The following ADAM18 variants were observed in gnomAD, a reference collection of about 807,000 sequenced individuals.
The protein encoded by ADAM18 is disintegrin and metalloproteinase domain-containing protein 18.
A neutral mutation model predicts 94.4 loss-of-function variants in ADAM18; 117 were observed. The observed-to-expected ratio is 1.24, with a 90% CI of 1.07 to 1.45. ADAM18 has a LOEUF of 1.45. Among genes scored for constraint, ADAM18 ranks in the 40% most tolerant of loss-of-function variants. ADAM18 has a pLI of 0.00. For missense variants in ADAM18, 936 were observed against 880.0 expected, an observed-to-expected ratio of 1.06 and a Z score of -0.81; for synonymous variants, 327 against 291.6, an observed-to-expected ratio of 1.12 and a Z score of -1.24.
chr8:39,604,349 C>T (rs1405816362), intron 2 of ADAM18, among the ~76,000 whole-genome samples: 1 of 152,148 alleles, frequency 6.6e-6, no homozygotes, highest in African/African-American at 2.4e-5. Context: ...CTTATAATGT[C>T]TATTTTTATT....
intron 18 of ADAM18, among the ~76,000 whole-genome samples, chr8:39,708,987 G>A (rs1822318164): frequency 6.6e-6 from 1 of 152,224 alleles, no homozygotes; most frequent in South Asian, 2.1e-4. Context: ...GCTAACAACT[G>A]TGAACAGCTC....
rs747999507 is a variant in ADAM18, at chr8:39,610,664, T to A, written c.480T>A (p.Ile160=). The change falls in exon 6 of 20, where the codon ATT becomes ATA. Residue 160 remains isoleucine (I), a synonymous_variant. Coordinates refer to ENST00000265707, the MANE Select transcript of ADAM18 (RefSeq NM_014237.3). ...TTTTAGCAGTAAATTACAGTCATATTTGGCAGAAAGACCAGCCCTACAAAG... is the reference window on the plus strand; with the variant it reads ...TTTTAGCAGTAAATTACAGTCATATATGGCAGAAAGACCAGCCCTACAAAG... ...VSILAVNYSH[I]WQKDQPYKVP... 1 of 1,613,308 alleles carries A rather than the reference T, an allele frequency of 6.2e-7. No individual in the cohort carries two copies. The highest frequency in any genetic ancestry group is 1.3e-5 in the African/African-American group (1 of 74,910).
In ADAM18 at chr8:39,669,368, G is replaced by A. The variant is rs540577447; in HGVS notation, c.1525+1172G>A. On this transcript the variant is annotated intron_variant, in intron 14 of 19. Coordinates refer to ENST00000265707, the MANE Select transcript of ADAM18 (RefSeq NM_014237.3). ...TAGGGTACATGTGCACAACATGCAG[G>A]TTTGTTATATATGTATACATGTGCC... Among the ~76,000 whole-genome samples, 275 of 149,820 alleles carry A rather than the reference G, an allele frequency of 1.8e-3. 1 individual carries two copies. Among genetic ancestry groups the A allele is most frequent in the African/African-American group, 6.5e-3 (265 of 40,658 alleles).
At chr8:39,697,144 T>C (rs1821949188) in intron 17 of ADAM18, among the ~76,000 whole-genome samples, 1 of 151,620 alleles carries the variant, frequency 6.6e-6, no homozygotes, top group Non-Finnish European at 1.5e-5. Context: ...GGTATTGTTT[T>C]CTCAATTTCC....
At chr8:39,652,645 A>G (rs1820568505) in intron 12 of ADAM18, among the ~76,000 whole-genome samples, 5 of 152,182 alleles carry the variant, frequency 3.3e-5, no homozygotes. Context: ...GTTCATCAAA[A>G]ACTTAGAACT....
chr8:39,663,706 C>A, intron 12 of ADAM18, 89 bp from the exon 13 acceptor site: 1 of 678,474 alleles, frequency 1.5e-6, no homozygotes. Context: ...AGTTTGTACA[C>A]AACAGAATAT....
At chr8:39,725,924 T>C (rs1397747633) in intron 19 of ADAM18, among the ~76,000 whole-genome samples, 2 of 152,106 alleles carry the variant, frequency 1.3e-5, no homozygotes, top group African/African-American at 4.8e-5. Context: ...TGAAGAACCG[T>C]CATACTGTTT....
chr8:39,661,777 G>T (rs920253439), intron 12 of ADAM18, among the ~76,000 whole-genome samples: 14 of 151,852 alleles, frequency 9.2e-5, no homozygotes, highest in African/African-American at 3.1e-4. Context: ...TACAAATAAG[G>T]TGCATGCAGC....
intron 6 of ADAM18, among the ~76,000 whole-genome samples, chr8:39,624,862 C>G (rs1011499424): frequency 1.6e-4 from 25 of 152,192 alleles, no homozygotes; most frequent in African/African-American, 5.6e-4. Flanking sequence ...TTGCCTTCCA[C>G]CATGATTGAA....
At chr8:39,610,060 C>T (rs1819219743) in intron 5 of ADAM18, among the ~76,000 whole-genome samples, 3 of 151,918 alleles carry the variant, frequency 2.0e-5, no homozygotes. Context: ...AAAAATGCTC[C>T]CTCTAACTTT....
At chr8:39,647,057 G>C (rs1318393913) in intron 11 of ADAM18, among the ~76,000 whole-genome samples, 3 of 151,978 alleles carry the variant, frequency 2.0e-5, no homozygotes, top group East Asian at 1.9e-4. Flanking sequence ...AAAGAAATAA[G>C]ACACAGAGAC....
At chr8:39,591,602 T>G (rs1818571769) in intron 2 of ADAM18, among the ~76,000 whole-genome samples, 2 of 152,192 alleles carry the variant, frequency 1.3e-5, no homozygotes, top group Admixed American at 1.3e-4. Context: ...TCTCTTGCCA[T>G]TTCTACCACA....
intron 6 of ADAM18, among the ~76,000 whole-genome samples, chr8:39,615,298 G>T (rs553745646): frequency 6.7e-6 from 1 of 150,094 alleles, no homozygotes; most frequent in Non-Finnish European, 1.5e-5. Context: ...ACACCAAGAA[G>T]ATCTCTAAAA....
intron 17 of ADAM18, among the ~76,000 whole-genome samples, chr8:39,699,017 A>G (rs1260405904): frequency 6.6e-6 from 1 of 151,856 alleles, no homozygotes; most frequent in Admixed American, 6.6e-5. Flanking sequence ...GCCCTTCACA[A>G]CTCCACTTTC....
chr8:39,714,750 A>G (rs1042236568), intron 18 of ADAM18, among the ~76,000 whole-genome samples: 8 of 152,164 alleles, frequency 5.3e-5, no homozygotes, highest in African/African-American at 1.7e-4. Flanking sequence ...TCCTCACTTA[A>G]TTCCATCAAG....
chr8:39,606,177 A>G (rs1819077638), intron 2 of ADAM18, 130 bp from the exon 3 acceptor site: 1 of 573,020 alleles, frequency 1.7e-6, no homozygotes, highest in Non-Finnish European at 3.0e-6. Flanking sequence ...CTTACTATTT[A>G]GAATAATAAA....
chr8:39,686,769 T>C (rs1323534389), intron 16 of ADAM18, among the ~76,000 whole-genome samples: 1 of 152,252 alleles, frequency 6.6e-6, no homozygotes, highest in Non-Finnish European at 1.5e-5. Context: ...ATTATTTGCT[T>C]TTAAGAAATG....
At chr8:39,631,420 C>T (rs1045399392) in intron 7 of ADAM18, among the ~76,000 whole-genome samples, 19 of 151,864 alleles carry the variant, frequency 1.3e-4, no homozygotes, top group Non-Finnish European at 1.9e-4. Context: ...TCCATTCGCT[C>T]CATCTCCACT....
chr8:39,706,394 A>G (rs1183212048), intron 17 of ADAM18, among the ~76,000 whole-genome samples: 1 of 152,158 alleles, frequency 6.6e-6, no homozygotes, highest in African/African-American at 2.4e-5. Context: ...AATGCTTTCT[A>G]TAGACATTGA....
Sources: gnomAD v4.1 joint callset for allele counts (sites outside exome capture counted in the v4.1 genomes callset) on GRCh38, gnomAD v4.1.1 for gene constraint, MANE v1.5 for transcripts, NCBI Gene and HGNC (gene_info 2026-07-23, HGNC 2026-07-21) for gene names.